Variants in TMEM132D observed in about 807,000 individuals in gnomAD.
The protein encoded by TMEM132D is transmembrane protein 132D.
In TMEM132D, 21 loss-of-function variants were observed where a neutral mutation model predicts 62.3. That is an observed-to-expected ratio of 0.34 (90% CI 0.24 to 0.49). TMEM132D has a LOEUF of 0.49. TMEM132D is among the 20% of genes least tolerant of loss of function. The probability of loss-of-function intolerance (pLI) is 0.99; values close to 1 mark genes in which losing one functional copy is unlikely to be tolerated. For synonymous variants in TMEM132D, 621 were observed against 575.6 expected (o/e 1.08, Z -1.13); for missense variants, 1,346 against 1,402.8 (o/e 0.96, Z 0.65).
chr12:129,614,749 G>T (rs1057211230), intron 2 of TMEM132D, among the ~76,000 whole-genome samples: 1 of 152,188 alleles, frequency 6.6e-6, no homozygotes, highest in Admixed American at 6.5e-5. Flanking sequence ...CACAGCAGCA[G>T]CTGTAAGTCA....
chr12:129,381,504 TGC>T (rs1870949648), intron 3 of TMEM132D, among the ~76,000 whole-genome samples: 2 of 152,204 alleles, frequency 1.3e-5, no homozygotes, highest in African/African-American at 4.8e-5. Context: ...GAGAGCCTAC[TGC>T]CATCTCATAG....
At chr12:129,722,338 C>A (rs969768456) in intron 1 of TMEM132D, among the ~76,000 whole-genome samples, 3 of 46,264 alleles carry the variant, frequency 6.5e-5, no homozygotes, top group Non-Finnish European at 7.8e-5. Flanking sequence ...GACTGCCTGT[C>A]ACTCTTCCCC....
chr12:129,348,216 A>T (rs1254257222), intron 3 of TMEM132D, among the ~76,000 whole-genome samples: 3 of 152,202 alleles, frequency 2.0e-5, no homozygotes, highest in Non-Finnish European at 4.4e-5. Flanking sequence ...TATATACCCA[A>T]GGGATTATAA....
chr12:129,323,470 G>C (rs1231151282), intron 4 of TMEM132D, among the ~76,000 whole-genome samples: 1 of 152,084 alleles, frequency 6.6e-6, no homozygotes, highest in Non-Finnish European at 1.5e-5. Context: ...AACCACTGCT[G>C]GTGAACCGAA....
At chr12:129,582,774 A>G (rs544289938) in intron 2 of TMEM132D, among the ~76,000 whole-genome samples, 5 of 151,778 alleles carry the variant, frequency 3.3e-5, no homozygotes, top group Non-Finnish European at 7.4e-5. Flanking sequence ...ACCCATCACC[A>G]TGCCTGGCTA....
chr12:129,132,210 ATATC>A (rs954420111), intron 5 of TMEM132D, among the ~76,000 whole-genome samples: 18 of 152,146 alleles, frequency 1.2e-4, no homozygotes, highest in Non-Finnish European at 1.9e-4. Flanking sequence ...AGACTCTGTA[ATATC>A]TATCTATCTA....
chr12:129,098,902 T>A (rs1221871473), intron 5 of TMEM132D, among the ~76,000 whole-genome samples: 1 of 152,208 alleles, frequency 6.6e-6, no homozygotes, highest in East Asian at 1.9e-4. Flanking sequence ...CCTCTCTTAA[T>A]CCTCTGTCTC....
chr12:129,324,357 G>T (rs907499047), intron 4 of TMEM132D, among the ~76,000 whole-genome samples: 2 of 152,192 alleles, frequency 1.3e-5, no homozygotes, highest in South Asian at 2.1e-4. Context: ...ATTTGAAAAG[G>T]TCCTAACAGA....
intron 5 of TMEM132D, among the ~76,000 whole-genome samples, chr12:129,139,743 G>A (rs1245944126): frequency 2.0e-5 from 3 of 152,160 alleles, no homozygotes; most frequent in Admixed American, 1.3e-4. Context: ...CCAGGCAAGA[G>A]TGCAGTAGTG....
chr12:129,486,601 C>T (rs1874586724), intron 3 of TMEM132D, among the ~76,000 whole-genome samples: 1 of 152,144 alleles, frequency 6.6e-6, no homozygotes, highest in Admixed American at 6.5e-5. Flanking sequence ...GCTCTGTCCC[C>T]ACTCATTGTG....
At chr12:129,094,784 A>G (rs1435436692) in intron 5 of TMEM132D, among the ~76,000 whole-genome samples, 2 of 152,204 alleles carry the variant, frequency 1.3e-5, no homozygotes, top group Non-Finnish European at 2.9e-5. Flanking sequence ...AACCAAGCCA[A>G]ATGTCCAACA....
intron 3 of TMEM132D, among the ~76,000 whole-genome samples, chr12:129,397,846 G>A (rs1871474932): frequency 6.6e-6 from 1 of 152,082 alleles, no homozygotes; most frequent in African/African-American, 2.4e-5. Flanking sequence ...TTCATCTCAG[G>A]CTGTAGAGCC....
At chr12:129,465,262 A>C (rs1231040658) in intron 3 of TMEM132D, among the ~76,000 whole-genome samples, 1 of 152,030 alleles carries the variant, frequency 6.6e-6, no homozygotes, top group Non-Finnish European at 1.5e-5. Flanking sequence ...CATGCTAAAA[A>C]CTCTTGATAA....
At chr12:129,860,413 T>A (rs1171531026) in intron 1 of TMEM132D, among the ~76,000 whole-genome samples, 2 of 152,206 alleles carry the variant, frequency 1.3e-5, no homozygotes, top group Non-Finnish European at 2.9e-5. Context: ...ATGACTTTTG[T>A]CCAGTAGAGA....
At chr12:129,459,382 T>C (rs1873585113) in intron 3 of TMEM132D, among the ~76,000 whole-genome samples, 1 of 152,238 alleles carries the variant, frequency 6.6e-6, no homozygotes, top group Admixed American at 6.5e-5. Context: ...CCAACGTTTA[T>C]GGAGCTCAGA....
At chr12:129,315,397 A>T (rs879463991) in intron 4 of TMEM132D, among the ~76,000 whole-genome samples, 10 of 152,032 alleles carry the variant, frequency 6.6e-5, no homozygotes, top group Admixed American at 5.2e-4. Flanking sequence ...ATCTATTGAG[A>T]TGATTATGTG....
intron 7 of TMEM132D, 60 bp downstream of exon 7, chr12:129,081,699 T>C (rs1874450661): frequency 1.3e-6 from 2 of 1,523,074 alleles, no homozygotes; most frequent in African/African-American, 1.4e-5. Flanking sequence ...CTCCTCTAGG[T>C]AGAGCAGAGG....
At chr12:129,709,828 AT>A in intron 1 of TMEM132D, among the ~76,000 whole-genome samples, 1 of 152,222 alleles carries the variant, frequency 6.6e-6, no homozygotes, top group Non-Finnish European at 1.5e-5. Flanking sequence ...ATTTCATAGA[AT>A]CTCAGATCCT....
intron 1 of TMEM132D, among the ~76,000 whole-genome samples, chr12:129,809,448 C>T (rs779755019): frequency 3.3e-5 from 5 of 151,986 alleles, no homozygotes; most frequent in Admixed American, 3.3e-4. Flanking sequence ...CCTGGGGTGC[C>T]AGCTGGGAGA....
Sources: allele counts gnomAD v4.1 joint callset (sites outside exome capture counted in the v4.1 genomes callset), GRCh38; gene constraint gnomAD v4.1.1; transcripts MANE v1.5; gene names NCBI Gene and HGNC (gene_info 2026-07-23, HGNC 2026-07-21).